The following TOR1A variants were observed in gnomAD, a reference collection of about 807,000 sequenced individuals.
TOR1A encodes torsin-1A.
TOR1A carries 18 observed loss-of-function variants against 31.4 expected under a neutral mutation model. That is an observed-to-expected ratio of 0.57 (90% CI 0.40 to 0.85). The LOEUF (loss-of-function observed/expected upper bound fraction) is 0.85. Ranked by LOEUF, TOR1A falls within the 40% of genes least tolerant of loss-of-function variation. TOR1A has a pLI of 0.00. For synonymous variants in TOR1A, 168 were observed against 165.9 expected (o/e 1.01, Z -0.10); for missense variants, 375 against 416.4 (o/e 0.90, Z 0.87).
chr9:129,813,537 T>G lies in TOR1A; in HGVS notation c.*435A>C, dbSNP rs1313515668. 6 of 300,986 alleles carry G rather than the reference T, an allele frequency of 2.0e-5. No individual in the cohort carries two copies. The highest frequency in any genetic ancestry group is 1.0e-4 in the Admixed American group (2 of 19,760). The allele number at this position is 300,986 out of a possible 1,614,324, so 18.6% of individuals were successfully genotyped here. A position where few individuals can be genotyped will look rare whatever the true frequency, so the allele number is the denominator to read the frequency against. On this transcript the variant is annotated 3_prime_UTR_variant, in exon 5 of 5. Transcript: ENST00000351698. The stretch of plus-strand genomic sequence containing the variant: ...AGATACATCACAGTCTATGTAATAA[T>G]GATGAGAACTTAAAAAAAAACACAC...
chr9:129,822,773 A>C lies in TOR1A; in HGVS notation c.252T>G (p.Phe84Leu). The C allele has an allele frequency of 6.2e-7, 1 of 1,614,166 alleles. No individual in the cohort carries two copies. Among genetic ancestry groups the C allele is most frequent in the Non-Finnish European group, 8.5e-7 (1 of 1,180,040 alleles). ...LAKKIILNAV[F>L]GFINNPKPKK... ...TGGGCTTTGGGTTGTTTATGAAACC[A>C]AACACGGCATTTAAGATGATTTTCT... Residue 84 changes from phenylalanine to leucine, a missense_variant, in exon 2 of 5, where the codon TTT becomes TTG. Transcript: ENST00000351698.
In TOR1A at chr9:129,818,743, A is replaced by C. The variant is rs1223277174; in HGVS notation, c.620+2T>G. 1 of 1,613,338 alleles carries C rather than the reference A, an allele frequency of 6.2e-7. No individual in the cohort carries two copies. Among genetic ancestry groups the C allele is most frequent in the Non-Finnish European group, 8.5e-7 (1 of 1,180,038 alleles). Reference sequence around the variant, plus strand: ...TCCATCATGTCCTAGCCCTGACCTTACCTGAGAAATATGAACATGGCTTTC... The same window carrying C: ...TCCATCATGTCCTAGCCCTGACCTTCCCTGAGAAATATGAACATGGCTTTC... On this transcript the variant is annotated splice_donor_variant, in intron 3 of 4. Coordinates refer to ENST00000351698, the MANE Select transcript of TOR1A (RefSeq NM_000113.3). LOFTEE classifies it high-confidence loss of function.
At chr9:129,821,347 G>A (rs1276576962) in intron 2 of TOR1A, 1 of 152,140 alleles carries the variant, frequency 6.6e-6, no homozygotes, top group Admixed American at 6.6e-5. Context: ...TGACTGTTTT[G>A]CCCATCTTGC....
intron 4 of TOR1A, among the ~76,000 whole-genome samples, chr9:129,815,979 C>T (rs2031027005): frequency 6.6e-6 from 1 of 152,034 alleles, no homozygotes; most frequent in South Asian, 2.1e-4. Context: ...TGTGAAGGCC[C>T]CGTCAGATCA....
chr9:129,818,335 A>C, intron 4 of TOR1A, 185 bp downstream of exon 4: 1 of 822,436 alleles, frequency 1.2e-6, no homozygotes, highest in Non-Finnish European at 2.0e-6. Flanking sequence ...GTCAAACATT[A>C]GTGTTCATAA....
rs773712255 is a variant in TOR1A, at chr9:129,824,057, A to AGGCCCAGCACGGCCC, written c.14_28dup (p.Arg5_Gly9dup). 6.2e-7 allele frequency: 1 copy of AGGCCCAGCACGGCCC among 1,600,944 alleles called. No homozygotes were observed. Among genetic ancestry groups the AGGCCCAGCACGGCCC allele is most frequent in the Non-Finnish European group, 8.5e-7 (1 of 1,175,974 alleles). ...CACCACGGACGGCGCCAGCAGCAGC[A>AGGCCCAGCACGGCCC]GGCCCAGCACGGCCCGGCCCAGCTT... On this transcript the variant is annotated inframe_insertion, in exon 1 of 5. Coordinates refer to ENST00000351698, the MANE Select transcript of TOR1A (RefSeq NM_000113.3).
At chr9:129,815,751 CCCTT>C (rs1210780265) in intron 4 of TOR1A, among the ~76,000 whole-genome samples, 2 of 152,212 alleles carry the variant, frequency 1.3e-5, no homozygotes, top group Non-Finnish European at 2.9e-5. Flanking sequence ...TTCCTGCTGT[CCCTT>C]CCCTTCAATG....
intron 2 of TOR1A, among the ~76,000 whole-genome samples, chr9:129,819,144 A>G (rs1488946035): frequency 1.3e-5 from 2 of 152,148 alleles, no homozygotes; most frequent in Middle Eastern, 3.2e-3. Context: ...CGCTTACTCC[A>G]CTTGCCCAAG....
chr9:129,819,910 G>A (rs1191914001), intron 2 of TOR1A, among the ~76,000 whole-genome samples: 1 of 143,424 alleles, frequency 7.0e-6, no homozygotes, highest in African/African-American at 2.6e-5. Flanking sequence ...CAGCCTGGGA[G>A]ACAGAGCAAG....
chr9:129,822,386 C>A, intron 2 of TOR1A, 195 bp downstream of exon 2: 1 of 784,830 alleles, frequency 1.3e-6, no homozygotes, highest in African/African-American at 1.7e-5. Flanking sequence ...TCAGAACCCA[C>A]CACAAAGCTT....
At chr9:129,819,516 G>T (rs892408410) in intron 2 of TOR1A, among the ~76,000 whole-genome samples, 9 of 151,950 alleles carry the variant, frequency 5.9e-5, no homozygotes, top group Admixed American at 1.3e-4. Flanking sequence ...AGCACTTTGG[G>T]AGGCCAAAGT....
intron 1 of TOR1A, 186 bp downstream of exon 1, chr9:129,823,720 CAA>C (rs2031249944): frequency 4.8e-6 from 2 of 417,132 alleles, no homozygotes; most frequent in Non-Finnish European, 8.4e-6. Context: ...GCCCCAGCCC[CAA>C]CCCGGCCCTA....
At chr9:129,817,838 CAAAAAAA>C (rs760010551) in intron 4 of TOR1A, among the ~76,000 whole-genome samples, 80 of 45,752 alleles carry the variant, frequency 1.7e-3, no homozygotes, top group African/African-American at 3.6e-3. Flanking sequence ...CAGTCTCTAC[CAAAAAAA>C]AAAAAAAAAA....
chr9:129,817,261 C>T (rs569776227), intron 4 of TOR1A, among the ~76,000 whole-genome samples: 7 of 152,268 alleles, frequency 4.6e-5, no homozygotes, highest in African/African-American at 9.6e-5. Flanking sequence ...AAATAAGGGC[C>T]GAACCGCTAT....
intron 4 of TOR1A, among the ~76,000 whole-genome samples, chr9:129,816,370 G>C (rs896592581): frequency 2.0e-5 from 3 of 152,116 alleles, no homozygotes; most frequent in Admixed American, 2.0e-4. Flanking sequence ...GCCCCGGGGG[G>C]AAAGATATCT....
Position 129,824,113 on chromosome 9 carries a change from C to A in TOR1A, c.-28G>T. The A allele has an allele frequency of 6.5e-7, 1 of 1,545,140 alleles. No individual in the cohort carries two copies. The highest frequency in any genetic ancestry group is 8.7e-7 in the Non-Finnish European group (1 of 1,150,674). On this transcript the variant is annotated 5_prime_UTR_variant, in exon 1 of 5. Coordinates refer to ENST00000351698, the MANE Select transcript of TOR1A (RefSeq NM_000113.3). ...CCGGACCCGCGCCACCCTGCTTGTT[C>A]TCGCGCCGACCGCGAACCGGTGCAG... is the stretch of plus-strand genomic sequence containing the variant.
At chr9:129,815,807 C>T (rs1456844026) in intron 4 of TOR1A, among the ~76,000 whole-genome samples, 1 of 152,182 alleles carries the variant, frequency 6.6e-6, no homozygotes, top group Non-Finnish European at 1.5e-5. Context: ...GTCCTTGATT[C>T]TTCTCTCATT....
intron 4 of TOR1A, among the ~76,000 whole-genome samples, chr9:129,816,580 G>T (rs187871825): frequency 9.5e-4 from 144 of 152,284 alleles, no homozygotes; most frequent in Admixed American, 1.6e-3. Context: ...TATGATGCCT[G>T]GCACTTACCA....
At chr9:129,822,884 C>T in intron 1 of TOR1A, 38 bp from the exon 2 acceptor site, 3 of 1,614,014 alleles carry the variant, frequency 1.9e-6, no homozygotes, top group Non-Finnish European at 2.5e-6. Context: ...GGGGAAGAAA[C>T]AGCGGCAAAA....
Sources: allele counts gnomAD v4.1 joint callset (sites outside exome capture counted in the v4.1 genomes callset), GRCh38; gene constraint gnomAD v4.1.1; transcripts MANE v1.5; gene names NCBI Gene and HGNC (gene_info 2026-07-23, HGNC 2026-07-21).